GINS1: variants seen among roughly 807,000 people sequenced by gnomAD.
GINS1 encodes GINS complex subunit 1.
Under a neutral mutation model 34.9 loss-of-function variants are expected in GINS1, and 26 were observed. The observed-to-expected ratio is 0.74, with a 90% CI of 0.55 to 1.03. The LOEUF (loss-of-function observed/expected upper bound fraction) is 1.03. Among genes scored for constraint, GINS1 ranks in the 50% least tolerant of loss-of-function variants. GINS1 has a pLI of 0.00. For synonymous variants in GINS1, 97 were observed against 84.4 expected, an observed-to-expected ratio of 1.15 and a Z score of -0.82; for missense variants, 235 against 237.9, an observed-to-expected ratio of 0.99 and a Z score of 0.08.
rs761108191 is a variant in GINS1 at position 25,407,818 on chromosome 20, G to T, written c.-3G>T. ...AAGGCCGCGGGAGTGGGAAGCGTCC[G>T]CCATGTTCTGCGAAAAAGCCATGGA... On this transcript the variant is annotated 5_prime_UTR_variant, in exon 1 of 7. Coordinates refer to ENST00000262460, the MANE Select transcript of GINS1 (RefSeq NM_021067.5). 1.9e-6 allele frequency: 3 copies of T among 1,613,304 alleles called. No homozygotes were observed. Among genetic ancestry groups the T allele is most frequent in the South Asian group, 1.1e-5 (1 of 91,068 alleles).
At chr20:25,440,114 C>A (rs1600944097) in intron 5 of GINS1, among the ~76,000 whole-genome samples, 1 of 151,988 alleles carries the variant, frequency 6.6e-6, no homozygotes, top group East Asian at 1.9e-4. Context: ...CTCACTGCAA[C>A]CTCAGCCTCC....
rs1568813814 is a variant in GINS1 at position 25,446,794 on chromosome 20, T to G, written c.*803T>G. On this transcript the variant is annotated 3_prime_UTR_variant, in exon 7 of 7. Transcript: ENST00000262460. ...GTACAGTTTTCCCTGAGATTCAGATTGACTGAAAAGTCACATGAAGAGTTG... is the reference window on the plus strand; with the variant it reads ...GTACAGTTTTCCCTGAGATTCAGATGGACTGAAAAGTCACATGAAGAGTTG... 1 of 152,354 alleles carries G rather than the reference T, an allele frequency of 6.6e-6. No individual in the cohort carries two copies. The highest frequency in any genetic ancestry group is 2.1e-4 in the South Asian group (1 of 4,830). The allele number at this position is 152,354 out of a possible 1,614,324, so 9.4% of individuals were successfully genotyped here.
Position 25,413,871 on chromosome 20 carries a change from G to T in GINS1, c.140+17G>T. On this transcript the variant is annotated intron_variant, in intron 2 of 6. Coordinates refer to ENST00000262460, the MANE Select transcript of GINS1 (RefSeq NM_021067.5). ...GTCTGATGTGTAAGTTTCATAAGATGATATTCTAAAACAATTCAATAATTA... is the reference window on the plus strand; with the variant it reads ...GTCTGATGTGTAAGTTTCATAAGATTATATTCTAAAACAATTCAATAATTA... 7.1e-7 allele frequency: 1 copy of T among 1,404,398 alleles called. No individual in the cohort carries two copies. The highest frequency in any genetic ancestry group is 1.0e-6 in the Non-Finnish European group (1 of 988,366). The allele number at this position is 1,404,398 out of a possible 1,614,324, so 87.0% of individuals were successfully genotyped here.
chr20:25,434,221 T>C (rs2090441856), intron 5 of GINS1, among the ~76,000 whole-genome samples: 1 of 151,860 alleles, frequency 6.6e-6, no homozygotes, highest in Non-Finnish European at 1.5e-5. Context: ...AGGTGGGGAT[T>C]GCAGTGAACT....
chr20:25,417,475 C>G (rs1367848649), intron 3 of GINS1, among the ~76,000 whole-genome samples: 2 of 152,172 alleles, frequency 1.3e-5, no homozygotes, highest in East Asian at 3.9e-4. Flanking sequence ...TCGTGTTTCA[C>G]TTGTTGGTGC....
At position 25,418,163 on chromosome 20, in the gene GINS1, A is replaced by G. The variant is rs910279883; in HGVS notation, c.298A>G (p.Asn100Asp). The G allele has an allele frequency of 1.9e-5, 30 of 1,601,378 alleles. No individual in the cohort carries two copies. Among genetic ancestry groups the G allele is most frequent in the Non-Finnish European group, 2.5e-5 (29 of 1,168,278 alleles). Residue 100 changes from asparagine (N) to aspartate (D), a missense_variant, in exon 4 of 7, where the codon AAT (asparagine) becomes GAT (aspartate). Asn to Asp is a conservative substitution (Grantham distance 23). Coordinates refer to ENST00000262460, the MANE Select transcript of GINS1 (RefSeq NM_021067.5). ...ATGGGAATATGGTAGCGTCTTGCCAAATGCATTACGATTTCACATGGCTGC... is the reference window on the plus strand; with the variant it reads ...ATGGGAATATGGTAGCGTCTTGCCAGATGCATTACGATTTCACATGGCTGC... Reference protein sequence around the residue: ...LRWEYGSVLPNALRFHMAAEE... With the variant: ...LRWEYGSVLPDALRFHMAAEE...
intron 5 of GINS1, among the ~76,000 whole-genome samples, chr20:25,431,406 A>G (rs62211469): frequency 0.022 from 3,306 of 151,786 alleles, 44 homozygotes; most frequent in Middle Eastern, 0.082. Flanking sequence ...CATTTTATTA[A>G]TGTCTGCTCT....
At chr20:25,435,430 G>A (rs531043859) in intron 5 of GINS1, among the ~76,000 whole-genome samples, 1 of 152,192 alleles carries the variant, frequency 6.6e-6, no homozygotes, top group South Asian at 2.1e-4. Flanking sequence ...AAGTGGCTAG[G>A]ACTAGTGGCG....
chr20:25,408,079 T>G (rs934888381), intron 1 of GINS1, among the ~76,000 whole-genome samples, 184 bp downstream of exon 1: 1 of 152,270 alleles, frequency 6.6e-6, no homozygotes. Context: ...ACCCAGCGAT[T>G]TGGTGAATTT....
chr20:25,438,785 G>A (rs1415299810), intron 5 of GINS1, among the ~76,000 whole-genome samples: 2 of 151,946 alleles, frequency 1.3e-5, no homozygotes, highest in Non-Finnish European at 2.9e-5. Context: ...TGTTGCCCAG[G>A]CTCGTCTTGA....
chr20:25,416,597 C>T (rs184339895), intron 2 of GINS1, among the ~76,000 whole-genome samples: 127 of 151,596 alleles, frequency 8.4e-4, no homozygotes, highest in African/African-American at 2.9e-3. Context: ...AAGTATAGTA[C>T]GTACACGTAT....
chr20:25,440,810 C>CAAAAAA (rs60014594), intron 5 of GINS1, among the ~76,000 whole-genome samples: 9 of 69,064 alleles, frequency 1.3e-4, no homozygotes, highest in East Asian at 5.3e-4. Context: ...GACTCTGTCT[C>CAAAAAA]AAAAAAAAAA....
At chr20:25,430,017 A>T (rs1600935443) in intron 5 of GINS1, among the ~76,000 whole-genome samples, 1 of 152,152 alleles carries the variant, frequency 6.6e-6, no homozygotes, top group Non-Finnish European at 1.5e-5. Flanking sequence ...GGTTCAAGCG[A>T]TTCTCCTGCC....
intron 4 of GINS1, among the ~76,000 whole-genome samples, chr20:25,423,667 G>A (rs2090373218): frequency 3.4e-5 from 5 of 147,330 alleles, no homozygotes; most frequent in African/African-American, 1.0e-4. Context: ...AGGCTGGAGT[G>A]CAGTGGCATG....
chr20:25,414,609 A>T (rs2090308713), intron 2 of GINS1, among the ~76,000 whole-genome samples: 1 of 152,272 alleles, frequency 6.6e-6, no homozygotes, highest in Middle Eastern at 3.4e-3. Flanking sequence ...GTAAGGTGAG[A>T]GGCTTGCTTG....
At chr20:25,435,294 C>T (rs2090448038) in intron 5 of GINS1, among the ~76,000 whole-genome samples, 1 of 152,056 alleles carries the variant, frequency 6.6e-6, no homozygotes. Flanking sequence ...TTATCTTTTG[C>T]TGCTTTCTTT....
chr20:25,435,077 T>C (rs1382062576), intron 5 of GINS1, among the ~76,000 whole-genome samples: 1 of 152,238 alleles, frequency 6.6e-6, no homozygotes, highest in Non-Finnish European at 1.5e-5. Context: ...CATTCAGACA[T>C]AGCATTTACC....
Position 25,448,238 on chromosome 20 carries a change from A to G in GINS1, c.*2247A>G, listed in dbSNP as rs1319736305. On this transcript the variant is annotated 3_prime_UTR_variant, in exon 7 of 7. Coordinates refer to ENST00000262460, the MANE Select transcript of GINS1 (RefSeq NM_021067.5). ...TGAATTTATATAAAACTGTTGGGAG[A>G]ATTGACATCTTAATAATATTGAGTC... 1 of 152,280 alleles carries G rather than the reference A, an allele frequency of 6.6e-6. No homozygotes were observed. 9.4% of individuals were successfully genotyped at this position (152,280 alleles called of 1,614,324 possible).
chr20:25,437,283 A>G (rs2090459337), intron 5 of GINS1, among the ~76,000 whole-genome samples: 1 of 152,262 alleles, frequency 6.6e-6, no homozygotes, highest in Non-Finnish European at 1.5e-5. Flanking sequence ...TGCCAGCCTC[A>G]TCATTTGCAC....
Sources: gnomAD v4.1 joint callset for allele counts (sites outside exome capture counted in the v4.1 genomes callset) on GRCh38, gnomAD v4.1.1 for gene constraint, MANE v1.5 for transcripts, NCBI Gene and HGNC (gene_info 2026-07-23, HGNC 2026-07-21) for gene names.